The following PLD5 variants were observed in gnomAD, a reference collection of about 807,000 sequenced individuals.
The protein encoded by PLD5 is phospholipase D family member 5, also known as inactive phospholipase D5.
Under a neutral mutation model 61.1 loss-of-function variants are expected in PLD5, and 36 were observed. That is an observed-to-expected ratio of 0.59 (90% CI 0.45 to 0.78). The LOEUF (loss-of-function observed/expected upper bound fraction) is 0.78. Ranked by LOEUF, PLD5 falls within the 30% of genes least tolerant of loss-of-function variation. The pLI, the probability that PLD5 is intolerant of heterozygous loss-of-function variation, is 0.00. For synonymous variants in PLD5, 243 were observed against 242.8 expected (o/e 1.00, Z -0.01); for missense variants, 515 against 644.4 (o/e 0.80, Z 2.17).
chr1:242,157,210 T>C (rs1265750046), intron 5 of PLD5, among the ~76,000 whole-genome samples: 2 of 152,232 alleles, frequency 1.3e-5, no homozygotes, highest in South Asian at 2.1e-4. Flanking sequence ...CATCAGGTCA[T>C]CTATGTTCTT....
At chr1:242,239,412 T>C (rs887107989) in intron 4 of PLD5, among the ~76,000 whole-genome samples, 3 of 152,226 alleles carry the variant, frequency 2.0e-5, no homozygotes, top group African/African-American at 4.8e-5. Flanking sequence ...TCAATTGTTT[T>C]AAAGCCCGTT....
chr1:242,502,401 G>A (rs936977464), intron 1 of PLD5, among the ~76,000 whole-genome samples: 1 of 152,080 alleles, frequency 6.6e-6, no homozygotes, highest in Non-Finnish European at 1.5e-5. Flanking sequence ...TGTAACACTT[G>A]TTTTTAGTAG....
chr1:242,305,555 T>C (rs1316371556), intron 2 of PLD5, among the ~76,000 whole-genome samples: 3 of 151,118 alleles, frequency 2.0e-5, no homozygotes, highest in Non-Finnish European at 4.4e-5. Context: ...GCCACTTCCA[T>C]TTCTTATTTT....
At chr1:242,182,478 CAT>C (rs888575204) in intron 5 of PLD5, among the ~76,000 whole-genome samples, 6 of 152,202 alleles carry the variant, frequency 3.9e-5, no homozygotes, top group African/African-American at 1.2e-4. Flanking sequence ...CCCTTGATTA[CAT>C]GTCATCTTCA....
At chr1:242,503,322 T>G (rs1211012352) in intron 1 of PLD5, among the ~76,000 whole-genome samples, 2 of 152,184 alleles carry the variant, frequency 1.3e-5, no homozygotes, top group Non-Finnish European at 2.9e-5. Context: ...TCACTCTAGC[T>G]GCTGCTCCTG....
At chr1:242,379,270 A>G (rs752651107) in intron 1 of PLD5, among the ~76,000 whole-genome samples, 13 of 152,148 alleles carry the variant, frequency 8.5e-5, no homozygotes, top group African/African-American at 2.9e-4. Flanking sequence ...GTTATAATCT[A>G]CTGAGCTACC....
intron 4 of PLD5, among the ~76,000 whole-genome samples, chr1:242,220,571 G>T (rs1670508550): frequency 6.6e-6 from 1 of 151,854 alleles, no homozygotes. Flanking sequence ...ATAAGACGTT[G>T]GCCTCATTAT....
intron 3 of PLD5, among the ~76,000 whole-genome samples, chr1:242,286,395 T>C (rs1404779806): frequency 6.6e-6 from 1 of 152,130 alleles, no homozygotes; most frequent in Non-Finnish European, 1.5e-5. Flanking sequence ...CGCTGACCTG[T>C]CTCTTCCTGT....
intron 2 of PLD5, among the ~76,000 whole-genome samples, chr1:242,340,417 G>A (rs1299210377): frequency 6.6e-6 from 1 of 151,476 alleles, no homozygotes; most frequent in African/African-American, 2.4e-5. Context: ...AGTTAATGTA[G>A]ATAAGGGGAA....
chr1:242,271,947 C>T (rs11806861), intron 3 of PLD5, among the ~76,000 whole-genome samples: 47,866 of 151,218 alleles, frequency 0.32, 9,408 homozygotes, highest in Non-Finnish European at 0.44. Context: ...GTTACTCTTT[C>T]GATGACTAAC....
At chr1:242,444,763 T>C (rs1666451613) in intron 1 of PLD5, among the ~76,000 whole-genome samples, 1 of 4,568 alleles carries the variant, frequency 2.2e-4, no homozygotes, top group South Asian at 0.01. Context: ...ATATATAATA[T>C]ATATTTCTCC....
intron 1 of PLD5, among the ~76,000 whole-genome samples, chr1:242,437,781 T>G (rs1195019305): frequency 1.3e-5 from 2 of 152,236 alleles, no homozygotes; most frequent in Non-Finnish European, 2.9e-5. Flanking sequence ...TTAACTCATT[T>G]AATTCTCATG....
intron 2 of PLD5, among the ~76,000 whole-genome samples, chr1:242,315,160 A>G (rs1379368406): frequency 6.6e-6 from 1 of 152,130 alleles, no homozygotes; most frequent in Non-Finnish European, 1.5e-5. Flanking sequence ...TGCAGTGGGG[A>G]ATTTATGCTG....
At chr1:242,464,681 A>G (rs1295036896) in intron 1 of PLD5, among the ~76,000 whole-genome samples, 3 of 152,230 alleles carry the variant, frequency 2.0e-5, no homozygotes, top group Admixed American at 6.5e-5. Context: ...AGAACTGAAA[A>G]CAAGGATTGA....
chr1:242,254,945 C>T (rs1023073369), intron 4 of PLD5, among the ~76,000 whole-genome samples: 8 of 152,316 alleles, frequency 5.3e-5, no homozygotes, highest in African/African-American at 1.7e-4. Flanking sequence ...TACACTTTGA[C>T]GGCAGCGTAT....
intron 7 of PLD5, among the ~76,000 whole-genome samples, chr1:242,112,167 A>G (rs1661555650): frequency 6.6e-6 from 1 of 152,096 alleles, no homozygotes; most frequent in Non-Finnish European, 1.5e-5. Flanking sequence ...TAGAGGTAAA[A>G]TCTAAAACCA....
intron 1 of PLD5, among the ~76,000 whole-genome samples, chr1:242,476,455 A>G (rs1264456310): frequency 2.0e-5 from 3 of 152,144 alleles, no homozygotes; most frequent in African/African-American, 7.2e-5. Context: ...GAAATCACAA[A>G]CTTTTTTCTA....
At chr1:242,300,988 C>T (rs967094447) in intron 2 of PLD5, among the ~76,000 whole-genome samples, 3 of 152,144 alleles carry the variant, frequency 2.0e-5, no homozygotes, top group Non-Finnish European at 2.9e-5. Context: ...TGATGTCACG[C>T]GAGCTTGCCT....
chr1:242,085,969 C>G lies in PLD5; in HGVS notation c.*3885G>C, dbSNP rs990546958. The G allele has an allele frequency of 2.6e-5, 4 of 152,260 alleles. No homozygotes were observed. Among genetic ancestry groups the G allele is most frequent in the South Asian group, 2.1e-4 (1 of 4,826 alleles). The allele number at this position is 152,260 out of a possible 1,614,324, so 9.4% of individuals were successfully genotyped here. ...GAAATTCTTATGGTCTTTTCTCCCC[C>G]CTTGGAATTTAGTTCAATAAAAGTT... On this transcript the variant is annotated 3_prime_UTR_variant, in exon 10 of 10. Transcript: ENST00000536534.
Sources: gnomAD v4.1 joint callset for allele counts (sites outside exome capture counted in the v4.1 genomes callset) on GRCh38, gnomAD v4.1.1 for gene constraint, MANE v1.5 for transcripts, NCBI Gene and HGNC (gene_info 2026-07-23, HGNC 2026-07-21) for gene names.